Variants in IQCH observed in about 807,000 individuals in gnomAD.
The protein encoded by IQCH is IQ motif containing H.
Under a neutral mutation model 117.0 loss-of-function variants are expected in IQCH, and 98 were observed. The observed-to-expected ratio is 0.84, with a 90% CI of 0.71 to 0.99. The LOEUF is 0.99. Ranked by LOEUF, IQCH falls within the 50% of genes least tolerant of loss-of-function variation. The pLI is 0.00. For synonymous variants in IQCH, 412 were observed against 448.2 expected (o/e 0.92, Z 1.02); for missense variants, 1,102 against 1,243.8 (o/e 0.89, Z 1.72).
chr15:67,291,533 T>C (rs1966752083), intron 4 of IQCH, among the ~76,000 whole-genome samples: 1 of 152,322 alleles, frequency 6.6e-6, no homozygotes, highest in East Asian at 1.9e-4. Flanking sequence ...GTATCTAACC[T>C]GGAAAGAATC....
rs770246068 is a variant in IQCH, at chr15:67,400,254, A to G, written c.2046A>G (p.Leu682=). 1 of 1,613,720 alleles carries G rather than the reference A, an allele frequency of 6.2e-7. No homozygotes were observed. Among genetic ancestry groups the G allele is most frequent in the East Asian group, 2.2e-5 (1 of 44,820 alleles). Residue 682 remains leucine, a synonymous_variant, in exon 14 of 21, where the codon CTA becomes CTG. Transcript: ENST00000335894. ...ACCTAAAGTGCTACAAATGGGTGCT[A>G]AAGGAGAGTAGCAGATATGGCCTTG... ...PSYLKCYKWV[L]KESSRYGLED...
chr15:67,312,851 A>G (rs778165362), intron 4 of IQCH, among the ~76,000 whole-genome samples: 1 of 152,162 alleles, frequency 6.6e-6, no homozygotes, highest in Non-Finnish European at 1.5e-5. Flanking sequence ...CTTGAGATGA[A>G]TAAATACTAT....
In IQCH at chr15:67,436,818, G is replaced by A. The variant is rs2082148093; in HGVS notation, c.2505+15241G>A. ...CTGACAACCTGCATGACTCAGCAGA[G>A]GCAGCCATAATCCTCCTAGGTACAC... On this transcript the variant is annotated intron_variant, in intron 16 of 20. Coordinates refer to ENST00000335894, the MANE Select transcript of IQCH (RefSeq NM_001031715.3). This position sits in a 1 kb window ranked among gnomAD's most constrained non-coding sequence, Gnocchi z 5.1. 6.6e-6 allele frequency among the ~76,000 whole-genome samples: 1 copy of A among 152,074 alleles called. No individual in the cohort carries two copies. Among genetic ancestry groups the A allele is most frequent in the Non-Finnish European group, 1.5e-5 (1 of 68,012 alleles).
intron 16 of IQCH, among the ~76,000 whole-genome samples, chr15:67,435,123 G>A (rs2082108301): frequency 6.6e-6 from 1 of 151,574 alleles, no homozygotes; most frequent in Non-Finnish European, 1.5e-5. Context: ...CCAAAGTGCT[G>A]GCATTACAGA....
At chr15:67,462,021 G>C (rs1349246615) in intron 16 of IQCH, among the ~76,000 whole-genome samples, 1 of 151,812 alleles carries the variant, frequency 6.6e-6, no homozygotes, top group Non-Finnish European at 1.5e-5. Context: ...ATAGAGTTGG[G>C]GTCTCGTTAT....
rs2083647446 is a variant in IQCH, at chr15:67,491,299, C to G, written c.2861+1235C>G. On this transcript the variant is annotated intron_variant, in intron 19 of 20. Coordinates refer to ENST00000335894, the MANE Select transcript of IQCH (RefSeq NM_001031715.3). The surrounding 1 kb of genome is among the most constrained non-coding windows in gnomAD (Gnocchi z 4.9). ...CTGCATAGGACAGGCCTCAACTTCC[C>G]TATCCAAAGCATAGTCCTTTGTTCT... 6.6e-6 allele frequency among the ~76,000 whole-genome samples: 1 copy of G among 152,158 alleles called. No homozygotes were observed. The highest frequency in any genetic ancestry group is 2.1e-4 in the South Asian group (1 of 4,824).
At chr15:67,339,428 A>G (rs1167156375) in intron 5 of IQCH, among the ~76,000 whole-genome samples, 21 of 152,250 alleles carry the variant, frequency 1.4e-4, no homozygotes. Flanking sequence ...GATCAAGAAT[A>G]CTGAAGTAAA....
At chr15:67,304,088 A>G (rs1967183137) in intron 4 of IQCH, among the ~76,000 whole-genome samples, 1 of 152,178 alleles carries the variant, frequency 6.6e-6, no homozygotes, top group Non-Finnish European at 1.5e-5. Flanking sequence ...ATTATTTTTA[A>G]GAAAATGTGT....
In IQCH at chr15:67,407,762, A is replaced by C. The variant is rs1971965824; in HGVS notation, c.2097+7457A>C. On this transcript the variant is annotated intron_variant, in intron 14 of 20. Coordinates refer to ENST00000335894, the MANE Select transcript of IQCH (RefSeq NM_001031715.3). The surrounding 1 kb of genome is among the most constrained non-coding windows in gnomAD (Gnocchi z 5.3). Reference sequence around the variant, plus strand: ...ACTAATTACTAGGTAATCATTGTCTACTGCAAGCGTGCTGTTTGTACCTTT... The same window carrying C: ...ACTAATTACTAGGTAATCATTGTCTCCTGCAAGCGTGCTGTTTGTACCTTT... The C allele has an allele frequency of 6.6e-6, 1 of 152,192 alleles. No homozygotes were observed. Among genetic ancestry groups the C allele is most frequent in the South Asian group, 2.1e-4 (1 of 4,830 alleles). The allele number at this position is 152,192 out of a possible 1,614,324, so 9.4% of individuals were successfully genotyped here.
intron 4 of IQCH, among the ~76,000 whole-genome samples, chr15:67,312,308 C>G (rs1350454268): frequency 6.6e-6 from 1 of 151,966 alleles, no homozygotes; most frequent in Admixed American, 6.6e-5. Context: ...AATAGGTTCC[C>G]ATGTATTTTA....
chr15:67,400,251 G>A lies in IQCH; in HGVS notation c.2043G>A (p.Val681=). 6.2e-7 allele frequency: 1 copy of A among 1,613,718 alleles called. No individual in the cohort carries two copies. Among genetic ancestry groups the A allele is most frequent in the Non-Finnish European group, 8.5e-7 (1 of 1,179,726 alleles). Reference sequence around the variant, plus strand: ...CCTACCTAAAGTGCTACAAATGGGTGCTAAAGGAGAGTAGCAGATATGGCC... The same window carrying A: ...CCTACCTAAAGTGCTACAAATGGGTACTAAAGGAGAGTAGCAGATATGGCC... The part of the protein sequence containing the change: ...IPSYLKCYKW[V]LKESSRYGLE... Residue 681 remains valine, a synonymous_variant, in exon 14 of 21, where the codon GTG becomes GTA. Transcript: ENST00000335894.
rs1292806584 is a variant in IQCH, at chr15:67,443,433, T to G, written c.2506-21694T>G. ...GACTTTGGGGACTTGGGGGAAAGAGTGGGAGGGGGTGAGGGACAAAAGACC... is the reference window on the plus strand; with the variant it reads ...GACTTTGGGGACTTGGGGGAAAGAGGGGGAGGGGGTGAGGGACAAAAGACC... On this transcript the variant is annotated intron_variant, in intron 16 of 20. Coordinates refer to ENST00000335894, the MANE Select transcript of IQCH (RefSeq NM_001031715.3). This position sits in a 1 kb window ranked among gnomAD's most constrained non-coding sequence, Gnocchi z 5.0. Among the ~76,000 whole-genome samples, 1 of 151,450 alleles carries G rather than the reference T, an allele frequency of 6.6e-6. No homozygotes were observed. Among genetic ancestry groups the G allele is most frequent in the Non-Finnish European group, 1.5e-5 (1 of 67,886 alleles).
At position 67,432,393 on chromosome 15, in the gene IQCH, A is replaced by G. The variant is rs2082039644; in HGVS notation, c.2505+10816A>G. On this transcript the variant is annotated intron_variant, in intron 16 of 20. Coordinates refer to ENST00000335894, the MANE Select transcript of IQCH (RefSeq NM_001031715.3). This position sits in a 1 kb window ranked among gnomAD's most constrained non-coding sequence, Gnocchi z 5.0. ...CTAGAATAAAAAAAAATCTGAAAATATTTTCATTGCAATGGCAATGGGTTC... is the reference window on the plus strand; with the variant it reads ...CTAGAATAAAAAAAAATCTGAAAATGTTTTCATTGCAATGGCAATGGGTTC... 6.6e-6 allele frequency among the ~76,000 whole-genome samples: 1 copy of G among 152,096 alleles called. No homozygotes were observed. Among genetic ancestry groups the G allele is most frequent in the African/African-American group, 2.4e-5 (1 of 41,400 alleles).
Position 67,494,186 on chromosome 15 carries a change from T to A in IQCH, c.2862-72T>A. ...AATTCCATCACCAGACAGGCACAAA[T>A]GAGAGGGCGATTGTTTTTAAGCATG... On this transcript the variant is annotated intron_variant, in intron 19 of 20. Coordinates refer to ENST00000335894, the MANE Select transcript of IQCH (RefSeq NM_001031715.3). This position sits in a 1 kb window ranked among gnomAD's most constrained non-coding sequence, Gnocchi z 5.5. The A allele has an allele frequency of 9.5e-7, 1 of 1,057,860 alleles. No homozygotes were observed. Among genetic ancestry groups the A allele is most frequent in the African/African-American group, 1.6e-5 (1 of 62,426 alleles). 65.5% of individuals were successfully genotyped at this position (1,057,860 alleles called of 1,614,324 possible). A position where few individuals can be genotyped will look rare whatever the true frequency, so the allele number is the denominator to read the frequency against.
chr15:67,385,098 TTTG>T lies in IQCH; in HGVS notation c.1456+82_1456+84del. ...TTGATAGAATGTGTTGTTTTGTTTGTTTGTTTTTTGCTTATTTTTTTCCTCTAC... is the reference window on the plus strand; with the variant it reads ...TTGATAGAATGTGTTGTTTTGTTTGTTTTTTTGCTTATTTTTTTCCTCTAC... On this transcript the variant is annotated intron_variant, in intron 11 of 20. Transcript: ENST00000335894. The surrounding 1 kb of genome is among the most constrained non-coding windows in gnomAD (Gnocchi z 4.6). 1 of 907,986 alleles carries T rather than the reference TTTG, an allele frequency of 1.1e-6. No homozygotes were observed. Among genetic ancestry groups the T allele is most frequent in the South Asian group, 1.6e-5 (1 of 63,376 alleles). 56.2% of individuals were successfully genotyped at this position (907,986 alleles called of 1,614,324 possible).
At chr15:67,310,278 C>T (rs17296465) in intron 4 of IQCH, among the ~76,000 whole-genome samples, 45,077 of 151,860 alleles carry the variant, frequency 0.3, 6,886 homozygotes, top group South Asian at 0.37. Flanking sequence ...ATTTGATCGT[C>T]AGTGGGTTAA....
At chr15:67,477,044 C>CTTTTTTTTT (rs71455553) in intron 18 of IQCH, among the ~76,000 whole-genome samples, 350 of 71,124 alleles carry the variant, frequency 4.9e-3, no homozygotes, top group African/African-American at 6.0e-3. Flanking sequence ...TCTTTTTCTT[C>CTTTTTTTTT]TTTTTTTTTT....
At chr15:67,439,245 TGAAAA>T (rs1264838720) in intron 16 of IQCH, among the ~76,000 whole-genome samples, 1 of 152,086 alleles carries the variant, frequency 6.6e-6, no homozygotes, top group African/African-American at 2.4e-5. Context: ...GAAATCAACT[TGAAAA>T]GGAATCTGCA....
At chr15:67,297,659 T>C (rs905897701) in intron 4 of IQCH, among the ~76,000 whole-genome samples, 9 of 152,172 alleles carry the variant, frequency 5.9e-5, no homozygotes, top group African/African-American at 2.2e-4. Context: ...TTTTCCCCAA[T>C]TGTCTTTAAA....
Sources: gnomAD v4.1 joint callset for allele counts (sites outside exome capture counted in the v4.1 genomes callset) on GRCh38, gnomAD v4.1.1 for gene constraint, Gnocchi (gnomAD v3.1) non-coding constraint, MANE v1.5 for transcripts, NCBI Gene and HGNC (gene_info 2026-07-23, HGNC 2026-07-21) for gene names.